PAPPA2: variants seen among roughly 807,000 people sequenced by gnomAD.
PAPPA2 encodes the protein pappalysin 2, also known as pappalysin-2.
In PAPPA2, 86 loss-of-function variants were observed where a neutral mutation model predicts 176.4. That is an observed-to-expected ratio of 0.49 (90% CI 0.41 to 0.58). The LOEUF (loss-of-function observed/expected upper bound fraction) is 0.58, where lower values mean the gene tolerates loss of function less well. PAPPA2 is among the 20% of genes least tolerant of loss of function. The pLI, the probability that PAPPA2 is intolerant of heterozygous loss-of-function variation, is 0.00. For missense variants in PAPPA2, 2,073 were observed against 2,256.9 expected (o/e 0.92, Z 1.65); for synonymous variants, 809 against 852.2 (o/e 0.95, Z 0.88).
intron 1 of PAPPA2, among the ~76,000 whole-genome samples, chr1:176,525,400 T>G (rs986078322): frequency 2.0e-5 from 3 of 152,072 alleles, no homozygotes; most frequent in Admixed American, 6.5e-5. Flanking sequence ...GGATATAATG[T>G]GATACATTAG....
At chr1:176,633,420 G>A (rs935123556) in intron 3 of PAPPA2, among the ~76,000 whole-genome samples, 4 of 152,300 alleles carry the variant, frequency 2.6e-5, no homozygotes, top group African/African-American at 9.6e-5. Context: ...TCAAGTCTTG[G>A]AGAAGTGTTG....
intron 1 of PAPPA2, among the ~76,000 whole-genome samples, chr1:176,516,871 G>T (rs564045616): frequency 1.3e-5 from 2 of 152,194 alleles, no homozygotes; most frequent in Non-Finnish European, 2.9e-5. Context: ...CTATGTAGGT[G>T]AATCACATTC....
Position 176,740,095 on chromosome 1 carries a change from C to T in PAPPA2, c.4050C>T (p.Val1350=), listed in dbSNP as rs746727736. 9.9e-6 allele frequency: 16 copies of T among 1,613,812 alleles called. No individual in the cohort carries two copies. Among genetic ancestry groups the T allele is most frequent in the Non-Finnish European group, 1.1e-5 (13 of 1,179,890 alleles). The change falls in exon 14 of 23, where the codon GTC becomes GTT. Residue 1350 remains valine (V), a synonymous_variant. Coordinates refer to ENST00000367662, the MANE Select transcript of PAPPA2 (RefSeq NM_020318.3). ...TGCTGAATTTCTCATCCCCACGGGT[C>T]GGCATCTCAGCTGTGGCTCTAAGGA... ...SVLLNFSSPR[V]GISAVALRTS... is the part of the protein sequence containing the mutation.
At chr1:176,607,436 C>T (rs1442292506) in intron 3 of PAPPA2, among the ~76,000 whole-genome samples, 2 of 152,160 alleles carry the variant, frequency 1.3e-5, no homozygotes. Context: ...TTTTTAGCTC[C>T]CACATATGAG....
chr1:176,576,268 T>G (rs1652635819), intron 2 of PAPPA2, among the ~76,000 whole-genome samples: 1 of 152,210 alleles, frequency 6.6e-6, no homozygotes, highest in African/African-American at 2.4e-5. Flanking sequence ...CTTTGCCAAC[T>G]TAATGGACAA....
At chr1:176,490,266 A>G (rs1412217353) in intron 1 of PAPPA2, among the ~76,000 whole-genome samples, 2 of 152,168 alleles carry the variant, frequency 1.3e-5, no homozygotes, top group African/African-American at 4.8e-5. Context: ...AGTTTATCCT[A>G]TGATGAATGC....
At chr1:176,590,205 G>A (rs1287222897) in intron 2 of PAPPA2, among the ~76,000 whole-genome samples, 3 of 152,158 alleles carry the variant, frequency 2.0e-5, no homozygotes, top group Non-Finnish European at 4.4e-5. Flanking sequence ...AGTAGTCAAA[G>A]GGAAAAGGAG....
rs12023618 is a variant in PAPPA2 at position 176,569,388 on chromosome 1, C to G, written c.919+12147C>G. Among the ~76,000 whole-genome samples the G allele has an allele frequency of 1.8e-4, 27 of 152,286 alleles. No individual in the cohort carries two copies. In the East Asian group the frequency reaches 5.2e-3, roughly 29 times the overall value. ...CACCTGAATTGTTCTTATTTAACCC[C>G]CTAGATTTTTAGTGAATATGACATC... On this transcript the variant is annotated intron_variant, in intron 2 of 22. Coordinates refer to ENST00000367662, the MANE Select transcript of PAPPA2 (RefSeq NM_020318.3).
At chr1:176,745,687 A>C (rs996237613) in intron 14 of PAPPA2, among the ~76,000 whole-genome samples, 3 of 152,240 alleles carry the variant, frequency 2.0e-5, no homozygotes, top group African/African-American at 7.2e-5. Context: ...GTGATAGAAG[A>C]GTATCCAAGA....
rs145447489 is a variant in PAPPA2, at chr1:176,694,411, C to T, written c.2625-1327C>T. On this transcript the variant is annotated intron_variant, in intron 6 of 22. Coordinates refer to ENST00000367662, the MANE Select transcript of PAPPA2 (RefSeq NM_020318.3). ...GAGCCTGAGTTTTCTCATTTGTAAACATAAGGTTATTACAGGAATTAGAAA... is the reference window on the plus strand; with the variant it reads ...GAGCCTGAGTTTTCTCATTTGTAAATATAAGGTTATTACAGGAATTAGAAA... 4.0e-4 allele frequency among the ~76,000 whole-genome samples: 61 copies of T among 152,320 alleles called. No individual in the cohort carries two copies. In the Middle Eastern group the frequency reaches 0.01, roughly 25 times the overall value.
chr1:176,512,796 A>G, intron 1 of PAPPA2, among the ~76,000 whole-genome samples: 1 of 152,222 alleles, frequency 6.6e-6, no homozygotes, highest in East Asian at 1.9e-4. Flanking sequence ...ATTTTTAAAA[A>G]CATTAATAAA....
chr1:176,722,514 C>T (rs1661674034), intron 12 of PAPPA2, among the ~76,000 whole-genome samples: 1 of 149,876 alleles, frequency 6.7e-6, no homozygotes, highest in African/African-American at 2.5e-5. Flanking sequence ...TCCACATTGA[C>T]AGTCTTTGAA....
intron 1 of PAPPA2, among the ~76,000 whole-genome samples, chr1:176,522,644 G>C (rs1032095497): frequency 2.0e-5 from 3 of 152,202 alleles, no homozygotes; most frequent in Non-Finnish European, 2.9e-5. Context: ...CTCTCTCTCT[G>C]AGTGTTAGGC....
Position 176,641,297 on chromosome 1 carries a change from T to A in PAPPA2, c.1992-29673T>A, listed in dbSNP as rs1485154273. 2.0e-5 allele frequency among the ~76,000 whole-genome samples: 3 copies of A among 152,160 alleles called. No individual in the cohort carries two copies. The East Asian group carries it at 5.8e-4, about 29-fold the overall frequency. ...TGTCCTGAATGGTATTGCCTAGGTTTTCTTCTAGGGTTTTTATGGTTTTAG... is the reference window on the plus strand; with the variant it reads ...TGTCCTGAATGGTATTGCCTAGGTTATCTTCTAGGGTTTTTATGGTTTTAG... On this transcript the variant is annotated intron_variant, in intron 3 of 22. Coordinates refer to ENST00000367662, the MANE Select transcript of PAPPA2 (RefSeq NM_020318.3).
chr1:176,506,110 C>T (rs1190534558), intron 1 of PAPPA2, among the ~76,000 whole-genome samples: 1 of 152,112 alleles, frequency 6.6e-6, no homozygotes, highest in Non-Finnish European at 1.5e-5. Flanking sequence ...GGAGTCCCTT[C>T]TCCATTGCTT....
At chr1:176,612,852 G>C (rs370400453) in intron 3 of PAPPA2, among the ~76,000 whole-genome samples, 1 of 152,274 alleles carries the variant, frequency 6.6e-6, no homozygotes, top group African/African-American at 2.4e-5. Context: ...TTTTACAGAA[G>C]AGGAATCAAG....
At position 176,500,949 on chromosome 1, in the gene PAPPA2, G is replaced by A. The variant is rs185360235; in HGVS notation, c.-917+37531G>A. Reference sequence around the variant, plus strand: ...CTTTACAGTATATTAGTACCCAGAAGGTTGCTAGGTTAGCATTAACTGCGT... The same window carrying A: ...CTTTACAGTATATTAGTACCCAGAAAGTTGCTAGGTTAGCATTAACTGCGT... On this transcript the variant is annotated intron_variant, in intron 1 of 22. Transcript: ENST00000367662. 2.0e-5 allele frequency among the ~76,000 whole-genome samples: 3 copies of A among 151,904 alleles called. No homozygotes were observed. In the East Asian group the frequency reaches 5.8e-4, roughly 29 times the overall value.
At chr1:176,468,199 C>T (rs918840793) in intron 1 of PAPPA2, among the ~76,000 whole-genome samples, 4 of 152,170 alleles carry the variant, frequency 2.6e-5, no homozygotes, top group Non-Finnish European at 5.9e-5. Context: ...TGAGATTCTT[C>T]CATCCTGGAT....
At chr1:176,591,735 C>T (rs546664778) in intron 2 of PAPPA2, among the ~76,000 whole-genome samples, 57 of 152,170 alleles carry the variant, frequency 3.7e-4, no homozygotes, top group African/African-American at 1.3e-3. Context: ...ACTTCTCATT[C>T]CGTTAGTTTG....
Sources: gnomAD v4.1 joint callset for allele counts (sites outside exome capture counted in the v4.1 genomes callset) on GRCh38, gnomAD v4.1.1 for gene constraint, MANE v1.5 for transcripts, NCBI Gene and HGNC (gene_info 2026-07-23, HGNC 2026-07-21) for gene names.